Variants in ZNF90 observed in about 807,000 individuals in gnomAD.
ZNF90 encodes zinc finger protein 90.
Under a neutral mutation model 12.0 loss-of-function variants are expected in ZNF90, and 11 were observed. That is an observed-to-expected ratio of 0.92 (90% CI 0.58 to 1.52). The LOEUF (loss-of-function observed/expected upper bound fraction) is 1.52, where lower values mean the gene tolerates loss of function less well. Ranked by LOEUF, ZNF90 falls within the 40% of genes most tolerant of loss-of-function variation. ZNF90 has a pLI of 0.00. For missense variants in ZNF90, 765 were observed against 711.5 expected (o/e 1.08, Z -0.86); for synonymous variants, 232 against 240.1 (o/e 0.97, Z 0.31).
At position 20,120,690 on chromosome 19, in the gene ZNF90, T is replaced by C. The variant is rs2089187587; in HGVS notation, c.*1330T>C. Reference sequence around the variant, plus strand: ...CTTCAGACATTACACTAAAACAGTGTTGAGTATAAAAAAGAATCCACAACA... The same window carrying C: ...CTTCAGACATTACACTAAAACAGTGCTGAGTATAAAAAAGAATCCACAACA... On this transcript the variant is annotated 3_prime_UTR_variant, in exon 4 of 4. Transcript: ENST00000418063. 1 of 152,160 alleles carries C rather than the reference T, an allele frequency of 6.6e-6. No individual in the cohort carries two copies. The highest frequency in any genetic ancestry group is 2.4e-5 in the African/African-American group (1 of 41,446). 9.4% of individuals were successfully genotyped at this position (152,160 alleles called of 1,614,324 possible). A position where few individuals can be genotyped will look rare whatever the true frequency, so the allele number is the denominator to read the frequency against.
At chr19:20,091,960 T>G (rs1028233294) in intron 1 of ZNF90, among the ~76,000 whole-genome samples, 2 of 152,182 alleles carry the variant, frequency 1.3e-5, no homozygotes, top group East Asian at 3.9e-4. Context: ...CCTTTGCTGG[T>G]GAGTGGTGAT....
intron 1 of ZNF90, among the ~76,000 whole-genome samples, chr19:20,103,037 C>T (rs1209784842): frequency 6.6e-6 from 1 of 152,056 alleles, no homozygotes; most frequent in Non-Finnish European, 1.5e-5. Flanking sequence ...AACACCAGGT[C>T]GTGGGGGTGA....
chr19:20,093,067 C>G (rs368685327), intron 1 of ZNF90, among the ~76,000 whole-genome samples: 8 of 151,974 alleles, frequency 5.3e-5, no homozygotes, highest in African/African-American at 1.5e-4. Context: ...GAGGCTGGGA[C>G]GAGGGGTGCA....
intron 3 of ZNF90, 28 bp downstream of exon 3, chr19:20,105,344 A>G: frequency 6.4e-7 from 1 of 1,566,140 alleles, no homozygotes; most frequent in Non-Finnish European, 8.7e-7. Context: ...TGAATACAAC[A>G]GACAACACAG....
intron 1 of ZNF90, among the ~76,000 whole-genome samples, chr19:20,088,352 A>G (rs2088876623): frequency 6.6e-6 from 1 of 152,064 alleles, no homozygotes; most frequent in South Asian, 2.1e-4. Flanking sequence ...TGTTAGAAGA[A>G]ACATTTGTCG....
At chr19:20,113,963 A>T (rs991698210) in intron 3 of ZNF90, among the ~76,000 whole-genome samples, 2 of 142,182 alleles carry the variant, frequency 1.4e-5, no homozygotes, top group African/African-American at 3.1e-5. Context: ...TTGTTTACTT[A>T]TGTGTTATGT....
intron 1 of ZNF90, among the ~76,000 whole-genome samples, chr19:20,081,751 TTTC>T (rs1458511111): frequency 1.6e-4 from 24 of 149,956 alleles, no homozygotes; most frequent in African/African-American, 4.6e-4. Context: ...ATTTGTTTTT[TTTC>T]TTTCTTTCTT....
At chr19:20,104,592 G>A (rs2089016503) in intron 2 of ZNF90, among the ~76,000 whole-genome samples, 1 of 152,100 alleles carries the variant, frequency 6.6e-6, no homozygotes, top group Non-Finnish European at 1.5e-5. Flanking sequence ...CTCTAAATTA[G>A]TGGTAATTCC....
At chr19:20,104,451 T>C (rs1411699187) in intron 2 of ZNF90, 86 bp downstream of exon 2, 2 of 1,460,106 alleles carry the variant, frequency 1.4e-6, no homozygotes, top group Non-Finnish European at 1.8e-6. Flanking sequence ...AGTAATGTAT[T>C]GTTTGCATAA....
chr19:20,096,279 G>C (rs1459577484), intron 1 of ZNF90, among the ~76,000 whole-genome samples: 1 of 152,178 alleles, frequency 6.6e-6, no homozygotes, highest in Admixed American at 6.5e-5. Flanking sequence ...AAAGAACAGA[G>C]GACAGGGGAT....
chr19:20,110,217 G>T (rs1555704931), intron 3 of ZNF90, among the ~76,000 whole-genome samples: 1 of 152,108 alleles, frequency 6.6e-6, no homozygotes, highest in Non-Finnish European at 1.5e-5. Context: ...TTTGGCTTTT[G>T]TGAATACATA....
At chr19:20,093,531 G>C (rs1452229942) in intron 1 of ZNF90, among the ~76,000 whole-genome samples, 3 of 152,144 alleles carry the variant, frequency 2.0e-5, no homozygotes, top group Admixed American at 6.5e-5. Context: ...GCGGCAATGA[G>C]ATGTGGCTGT....
intron 1 of ZNF90, among the ~76,000 whole-genome samples, chr19:20,093,126 T>C (rs535139126): frequency 1.3e-5 from 2 of 152,074 alleles, no homozygotes; most frequent in East Asian, 1.9e-4. Context: ...GAATAGTGAG[T>C]TGTGGAGGAA....
rs1555702805 is a variant in ZNF90 at position 20,092,166 on chromosome 19, CAA to C, written c.4-12071_4-12070del. On this transcript the variant is annotated intron_variant, in intron 1 of 3. Coordinates refer to ENST00000418063, the MANE Select transcript of ZNF90 (RefSeq NM_007138.2). ...ACAATGGTAATTGTGGGAGACTCAA[CAA>C]AGAGTGAGTATAGCAGAAGGAGCCG... 3.3e-5 allele frequency among the ~76,000 whole-genome samples: 5 copies of C among 152,218 alleles called. 1 individual carries two copies. Among genetic ancestry groups the C allele is most frequent in the Admixed American group, 1.3e-4 (2 of 15,296 alleles).
chr19:20,078,653 G>A (rs2088796347), intron 1 of ZNF90, among the ~76,000 whole-genome samples: 1 of 151,920 alleles, frequency 6.6e-6, no homozygotes, highest in African/African-American at 2.4e-5. Flanking sequence ...CTGGTCATAA[G>A]TTGGAAAAGT....
At chr19:20,109,153 T>C (rs1269799052) in intron 3 of ZNF90, among the ~76,000 whole-genome samples, 1 of 152,232 alleles carries the variant, frequency 6.6e-6, no homozygotes, top group African/African-American at 2.4e-5. Flanking sequence ...ATTATGCATC[T>C]CTATCACAGT....
chr19:20,085,268 C>CTTTTTTTTTTCTTT (rs56068843), intron 1 of ZNF90, among the ~76,000 whole-genome samples: 1 of 135,572 alleles, frequency 7.4e-6, no homozygotes, highest in Non-Finnish European at 1.5e-5. Flanking sequence ...TTGCATTGGT[C>CTTTTTTTTTTCTTT]TTTTTTTTTT....
rs191664052 is a variant in ZNF90, at chr19:20,119,201, C to G, written c.1647C>G (p.Ser549=). The G allele has an allele frequency of 4.6e-4, 749 of 1,613,796 alleles. 2 individuals carry two copies. Among genetic ancestry groups the G allele is most frequent in the Non-Finnish European group, 4.4e-4 (523 of 1,179,902 alleles). The change falls in exon 4 of 4, where the codon TCC becomes TCG. Residue 549 remains serine, a synonymous_variant. Transcript: ENST00000418063. ...AATGTGGCAAAGCCTTTAAGCGCTC[C>G]TCACAGCTTACTAGTCATAAGATAA... ...CEECGKAFKR[S]SQLTSHKISH...
intron 1 of ZNF90, among the ~76,000 whole-genome samples, chr19:20,086,095 G>C (rs1335571920): frequency 6.6e-6 from 1 of 152,142 alleles, no homozygotes; most frequent in Non-Finnish European, 1.5e-5. Flanking sequence ...GCAAAAGCAA[G>C]AACAGTTCAG....
Sources: allele counts gnomAD v4.1 joint callset (sites outside exome capture counted in the v4.1 genomes callset), GRCh38; gene constraint gnomAD v4.1.1; transcripts MANE v1.5; gene names NCBI Gene and HGNC (gene_info 2026-07-23, HGNC 2026-07-21).